Variants in HTT-AS observed in about 807,000 individuals in gnomAD.
The protein encoded by HTT-AS is HTT antisense RNA (head to head).
intron 1 of HTT-AS, chr4:3,070,189 A>G (rs937717637): frequency 6.6e-6 from 1 of 152,192 alleles, no homozygotes; most frequent in African/African-American, 2.4e-5. Context: ...AATTTGAAAA[A>G]TATGGAAAAG....
At chr4:3,051,015 A>G (rs893760670) in intron 2 of HTT-AS, among the ~76,000 whole-genome samples, 1 of 147,428 alleles carries the variant, frequency 6.8e-6, no homozygotes, top group Non-Finnish European at 1.5e-5. Flanking sequence ...TAAACCTTTT[A>G]TAATCCCTTA....
At chr4:3,058,427 A>AC (rs1711851193) in intron 2 of HTT-AS, among the ~76,000 whole-genome samples, 1 of 152,154 alleles carries the variant, frequency 6.6e-6, no homozygotes, top group African/African-American at 2.4e-5. Flanking sequence ...TTAGCATGTT[A>AC]ATGCATTATA....
chr4:3,073,947 T>C (rs867011754), intron 1 of HTT-AS, among the ~76,000 whole-genome samples: 35 of 150,928 alleles, frequency 2.3e-4, no homozygotes, highest in African/African-American at 7.6e-4. Flanking sequence ...GTCGCCCCGC[T>C]CCAGGCGTCG....
chr4:3,058,804 C>G (rs1315581129), intron 2 of HTT-AS, among the ~76,000 whole-genome samples: 1 of 151,770 alleles, frequency 6.6e-6, no homozygotes, highest in Non-Finnish European at 1.5e-5. Flanking sequence ...ACTGCAATCT[C>G]CACCTCCGAG....
intron 2 of HTT-AS, among the ~76,000 whole-genome samples, chr4:3,054,450 A>G (rs1299271238): frequency 6.6e-6 from 1 of 152,198 alleles, no homozygotes; most frequent in Non-Finnish European, 1.5e-5. Context: ...TTTTACATGC[A>G]AGGTGTGTGA....
At chr4:3,046,344 A>G (rs1374618032), downstream of HTT-AS, among the ~76,000 whole-genome samples, 2 of 152,200 alleles carry the variant, frequency 1.3e-5, no homozygotes, top group East Asian at 3.8e-4. Flanking sequence ...ATTTGGACAC[A>G]GTTTGAACTC....
chr4:3,068,305 CAAAAAAAAAAAAAAAA>C, intron 1 of HTT-AS, among the ~76,000 whole-genome samples: 1 of 13,076 alleles, frequency 7.6e-5, no homozygotes. Context: ...GACTCTGTCT[CAAAAAAAAAAAAAAAA>C]AAAAAAAAAA....
Position 3,070,535 on chromosome 4 carries a change from C to G in HTT-AS, n.113+3891G>C, listed in dbSNP as rs143212630. Among the ~76,000 whole-genome samples the G allele has an allele frequency of 1.6e-3, 244 of 152,276 alleles. 2 individuals carry two copies. Among genetic ancestry groups the G allele is most frequent in the Admixed American group, 2.9e-3 (45 of 15,296 alleles). On this transcript the variant is annotated intron_variant and non_coding_transcript_variant, in intron 1 of 2. Transcript: ENST00000664062. ...GAACTCCTGACCTCAGGTGATCAGC[C>G]CACCTCGGCCTCCCAAAGTGCTGGG...
intron 2 of HTT-AS, among the ~76,000 whole-genome samples, chr4:3,061,986 T>TA (rs548695397): frequency 0.038 from 2,383 of 63,414 alleles, 87 homozygotes; most frequent in African/African-American, 0.059. Context: ...TATCTCAAAT[T>TA]AAAAAAAAAA....
At chr4:3,069,851 CAG>C (rs1286558553) in intron 1 of HTT-AS, 2 of 152,718 alleles carry the variant, frequency 1.3e-5, no homozygotes, top group Non-Finnish European at 2.9e-5. Flanking sequence ...TCAGCCCTCT[CAG>C]GGGTGGGGCT....
At chr4:3,050,848 T>C (rs1711687969) in intron 2 of HTT-AS, among the ~76,000 whole-genome samples, 3 of 152,222 alleles carry the variant, frequency 2.0e-5, no homozygotes, top group Admixed American at 2.0e-4. Flanking sequence ...TACCTCTCTT[T>C]GGATGCTTTA....
intron 2 of HTT-AS, among the ~76,000 whole-genome samples, chr4:3,059,081 C>A (rs1407858777): frequency 1.3e-5 from 2 of 152,292 alleles, no homozygotes; most frequent in Admixed American, 6.5e-5. Context: ...TACTGCCATC[C>A]TTGCGTCCTT....
At chr4:3,052,297 T>C (rs1284627202) in intron 2 of HTT-AS, among the ~76,000 whole-genome samples, 1 of 152,196 alleles carries the variant, frequency 6.6e-6, no homozygotes, top group Non-Finnish European at 1.5e-5. Context: ...TATTGGCTGT[T>C]TGGCCTGATG....
intron 1 of HTT-AS, among the ~76,000 whole-genome samples, chr4:3,066,938 G>A (rs1712067837): frequency 6.6e-6 from 1 of 152,178 alleles, no homozygotes; most frequent in African/African-American, 2.4e-5. Flanking sequence ...CTAGATAATG[G>A]AGATATGAAA....
At chr4:3,066,626 T>C (rs1223595439) in intron 1 of HTT-AS, among the ~76,000 whole-genome samples, 1 of 152,190 alleles carries the variant, frequency 6.6e-6, no homozygotes, top group African/African-American at 2.4e-5. Context: ...GAAATATGGA[T>C]GGTCCTCTGG....
intron 2 of HTT-AS, among the ~76,000 whole-genome samples, chr4:3,053,174 C>A (rs1037585440): frequency 2.6e-5 from 4 of 152,160 alleles, no homozygotes; most frequent in Admixed American, 6.5e-5. Flanking sequence ...AATCTTACAA[C>A]TATTGGATCT....
intron 2 of HTT-AS, among the ~76,000 whole-genome samples, chr4:3,059,375 T>C (rs961613511): frequency 2.0e-5 from 3 of 152,192 alleles, no homozygotes; most frequent in Non-Finnish European, 4.4e-5. Context: ...TTCTGGGACC[T>C]GCACCATTTG....
chr4:3,066,666 A>C (rs1712063095), intron 1 of HTT-AS, among the ~76,000 whole-genome samples: 1 of 152,122 alleles, frequency 6.6e-6, no homozygotes. Context: ...TATCAACCAC[A>C]TCCAGTTCCT....
intron 2 of HTT-AS, among the ~76,000 whole-genome samples, chr4:3,052,369 G>A (rs1711719733): frequency 6.6e-6 from 1 of 152,150 alleles, no homozygotes; most frequent in South Asian, 2.1e-4. Flanking sequence ...TTAAAAGTCA[G>A]CTTAATTAAA....
Sources: allele counts gnomAD v4.1 joint callset (sites outside exome capture counted in the v4.1 genomes callset), GRCh38; gene constraint gnomAD v4.1.1; transcripts MANE v1.5; gene names NCBI Gene and HGNC (gene_info 2026-07-23, HGNC 2026-07-21).